The following SPHKAP variants were observed in gnomAD, a reference collection of about 807,000 sequenced individuals.
SPHKAP encodes SPHK1 interactor, AKAP domain containing.
A neutral mutation model predicts 137.5 loss-of-function variants in SPHKAP; 67 were observed. The ratio of observed to expected loss-of-function variants is 0.49; its 90% confidence interval spans 0.40 to 0.60. SPHKAP has a LOEUF of 0.60. Among genes scored for constraint, SPHKAP ranks in the 20% least tolerant of loss-of-function variants. The pLI is 0.00. For missense variants in SPHKAP, 2,097 were observed against 2,069.3 expected (o/e 1.01, Z -0.26); for synonymous variants, 813 against 785.3 (o/e 1.04, Z -0.59).
intron 7 of SPHKAP, among the ~76,000 whole-genome samples, chr2:228,002,414 G>T (rs74455375): frequency 1.3e-5 from 2 of 151,826 alleles, no homozygotes; most frequent in Non-Finnish European, 2.9e-5. Flanking sequence ...TTTTGATGAG[G>T]TTGTTTTTTT....
intron 1 of SPHKAP, among the ~76,000 whole-genome samples, chr2:228,167,308 C>T (rs1052199113): frequency 8.6e-5 from 13 of 151,970 alleles, no homozygotes; most frequent in East Asian, 1.9e-4. Context: ...TTTTTTTTCA[C>T]GTTTGCAAAG....
At chr2:228,155,954 G>A (rs775651758) in intron 1 of SPHKAP, among the ~76,000 whole-genome samples, 63 of 152,164 alleles carry the variant, frequency 4.1e-4, no homozygotes, top group Non-Finnish European at 1.3e-4. Context: ...AATCTCAGCA[G>A]GTCATCCAGT....
chr2:228,082,711 G>A (rs1411493989), intron 3 of SPHKAP, among the ~76,000 whole-genome samples: 2 of 152,074 alleles, frequency 1.3e-5, no homozygotes, highest in Non-Finnish European at 2.9e-5. Flanking sequence ...GATTATTCTT[G>A]GCTCCACTAT....
At chr2:228,097,831 G>C (rs1698039324) in intron 3 of SPHKAP, among the ~76,000 whole-genome samples, 1 of 152,178 alleles carries the variant, frequency 6.6e-6, no homozygotes, top group African/African-American at 2.4e-5. Flanking sequence ...TTTTATAGCT[G>C]TGTAGTATTC....
chr2:228,148,437 G>C (rs753158643), intron 1 of SPHKAP, among the ~76,000 whole-genome samples: 4 of 152,184 alleles, frequency 2.6e-5, no homozygotes, highest in African/African-American at 4.8e-5. Context: ...TCGGGAATTG[G>C]CCACAGAATG....
intron 3 of SPHKAP, among the ~76,000 whole-genome samples, chr2:228,098,386 A>G (rs1042825396): frequency 1.9e-4 from 29 of 150,184 alleles, no homozygotes; most frequent in Admixed American, 1.3e-3. Flanking sequence ...TGATAGACTG[A>G]ATTAAGAAAA....
chr2:228,022,811 C>T (rs993707976), intron 5 of SPHKAP, among the ~76,000 whole-genome samples: 2 of 152,176 alleles, frequency 1.3e-5, no homozygotes, highest in African/African-American at 4.8e-5. Flanking sequence ...CCCAGTTTCT[C>T]AGATCAGTAT....
intron 5 of SPHKAP, among the ~76,000 whole-genome samples, chr2:228,024,280 A>C (rs1694946361): frequency 6.6e-6 from 1 of 152,046 alleles, no homozygotes; most frequent in Non-Finnish European, 1.5e-5. Context: ...AGAAAGCTGG[A>C]ATTTCTCAGT....
intron 3 of SPHKAP, among the ~76,000 whole-genome samples, chr2:228,047,071 C>T (rs556108784): frequency 3.9e-4 from 60 of 152,304 alleles, no homozygotes; most frequent in South Asian, 8.3e-4. Flanking sequence ...AGTGGAATAA[C>T]TCTCCAAAAT....
intron 3 of SPHKAP, among the ~76,000 whole-genome samples, chr2:228,038,546 C>A (rs1463758983): frequency 1.3e-5 from 2 of 152,190 alleles, no homozygotes; most frequent in Non-Finnish European, 2.9e-5. Context: ...GCTCTTATTG[C>A]ATTCTCTGTA....
intron 3 of SPHKAP, among the ~76,000 whole-genome samples, chr2:228,068,995 G>A (rs1266859319): frequency 1.3e-5 from 2 of 152,176 alleles, no homozygotes; most frequent in African/African-American, 4.8e-5. Context: ...TTGGGCTGGG[G>A]TTAAAACTGG....
At chr2:228,159,240 A>G (rs144833455) in intron 1 of SPHKAP, among the ~76,000 whole-genome samples, 3 of 152,342 alleles carry the variant, frequency 2.0e-5, no homozygotes, top group East Asian at 3.9e-4. Flanking sequence ...GGCTATTGCA[A>G]TGAAGGAGAA....
chr2:227,983,756 G>A (rs974396218), intron 11 of SPHKAP, among the ~76,000 whole-genome samples: 5 of 152,164 alleles, frequency 3.3e-5, no homozygotes, highest in South Asian at 2.1e-4. Flanking sequence ...GCTGTTGCTC[G>A]ATAATTTTCT....
At chr2:228,051,220 T>C (rs916523555) in intron 3 of SPHKAP, among the ~76,000 whole-genome samples, 5 of 152,196 alleles carry the variant, frequency 3.3e-5, no homozygotes, top group African/African-American at 9.6e-5. Flanking sequence ...AGGGACTACA[T>C]TGTATATTGT....
At chr2:228,109,249 G>T in intron 2 of SPHKAP, 1 of 426,402 alleles carries the variant, frequency 2.3e-6, no homozygotes, top group Non-Finnish European at 3.1e-6. Context: ...TTGGGGGTAT[G>T]GCTATGTGGG....
intron 11 of SPHKAP, among the ~76,000 whole-genome samples, chr2:227,984,987 G>T (rs1693162756): frequency 6.6e-6 from 1 of 152,180 alleles, no homozygotes; most frequent in South Asian, 2.1e-4. Context: ...GGTGGGGGAA[G>T]AATCAAAGCT....
At chr2:228,104,770 G>A (rs1255337625) in intron 3 of SPHKAP, among the ~76,000 whole-genome samples, 1 of 152,166 alleles carries the variant, frequency 6.6e-6, no homozygotes, top group Non-Finnish European at 1.5e-5. Context: ...TTTGGGGGAT[G>A]ATAGCTGGTA....
At chr2:228,069,138 G>A (rs926001818) in intron 3 of SPHKAP, among the ~76,000 whole-genome samples, 1 of 152,124 alleles carries the variant, frequency 6.6e-6, no homozygotes, top group Non-Finnish European at 1.5e-5. Context: ...GTGGTGGCAG[G>A]TGCCTGTGAT....
chr2:228,046,097 C>A lies in SPHKAP; in HGVS notation c.247-18554G>T, dbSNP rs6750141. The stretch of plus-strand genomic sequence containing the variant: ...CACCCCCTACACACACACACACATA[C>A]GGTAATTATGGGTGGTGATGGCTGT... On this transcript the variant is annotated intron_variant, in intron 3 of 11. Coordinates refer to ENST00000392056, the MANE Select transcript of SPHKAP (RefSeq NM_001142644.2). 6.8e-3 allele frequency among the ~76,000 whole-genome samples: 1,026 copies of A among 151,910 alleles called. 14 individuals are homozygous for A. Among genetic ancestry groups the A allele is most frequent in the African/African-American group, 0.023 (937 of 41,428 alleles).
Sources: gnomAD v4.1 joint callset for allele counts (sites outside exome capture counted in the v4.1 genomes callset) on GRCh38, gnomAD v4.1.1 for gene constraint, MANE v1.5 for transcripts, NCBI Gene and HGNC (gene_info 2026-07-23, HGNC 2026-07-21) for gene names.